The following TCF4 variants were observed in gnomAD, a reference collection of about 807,000 sequenced individuals.
The protein encoded by TCF4 is SL3-3 enhancer factor 2.
In TCF4, 3 loss-of-function variants were observed where a neutral mutation model predicts 82.1. The ratio of observed to expected loss-of-function variants is 0.04; its 90% confidence interval spans 0.02 to 0.09. TCF4 has a LOEUF of 0.09. TCF4 is among the 10% of genes least tolerant of loss of function. The probability of loss-of-function intolerance (pLI) is 1.00; values close to 1 mark genes in which losing one functional copy is unlikely to be tolerated. For synonymous variants in TCF4, 276 were observed against 309.6 expected (o/e 0.89, Z 1.14); for missense variants, 518 against 852.7 (o/e 0.61, Z 4.89).
At chr18:55,585,834 T>C (rs2097638860) in intron 2 of TCF4, 1 of 1,143,422 alleles carries the variant, frequency 8.7e-7, no homozygotes, top group African/African-American at 1.6e-5. Context: ...TCATTTCGTC[T>C]CTAACAGGAG....
At chr18:55,456,646 G>T (rs1317539922) in intron 5 of TCF4, among the ~76,000 whole-genome samples, 1 of 152,114 alleles carries the variant, frequency 6.6e-6, no homozygotes, top group Non-Finnish European at 1.5e-5. Context: ...GTCTACCATT[G>T]TAAAAATATC....
At chr18:55,352,641 A>G (rs1312338175) in intron 6 of TCF4, among the ~76,000 whole-genome samples, 3 of 152,166 alleles carry the variant, frequency 2.0e-5, no homozygotes, top group Admixed American at 6.6e-5. Context: ...ATGCTCAACT[A>G]TTGCCTCTTT....
At chr18:55,296,627 T>C (rs138100565) in intron 8 of TCF4, among the ~76,000 whole-genome samples, 1 of 152,200 alleles carries the variant, frequency 6.6e-6, no homozygotes, top group Admixed American at 6.5e-5. Context: ...AAATGATACG[T>C]TTCTTCTGTT....
intron 8 of TCF4, among the ~76,000 whole-genome samples, chr18:55,326,365 G>A (rs2076548945): frequency 8.7e-6 from 1 of 115,466 alleles, no homozygotes; most frequent in South Asian, 3.0e-4. Flanking sequence ...CTCCTCTGCT[G>A]TTTCCTCTAT....
intron 10 of TCF4, among the ~76,000 whole-genome samples, chr18:55,274,726 ATTGT>A (rs1306982138): frequency 6.6e-6 from 1 of 152,204 alleles, no homozygotes; most frequent in Non-Finnish European, 1.5e-5. Flanking sequence ...AGGTCCACAT[ATTGT>A]TTAAGCTATG....
In TCF4 at chr18:55,273,586, C is replaced by T. The variant is rs142864930; in HGVS notation, c.789+2033G>A. ...ACTAGATATAATAATTCAATAGTTT[C>T]ACTAACAGTGGGAAAATTCATTAGT... On this transcript the variant is annotated intron_variant, in intron 10 of 19. Transcript: ENST00000354452. Among the ~76,000 whole-genome samples, 236 of 152,192 alleles carry T rather than the reference C, an allele frequency of 1.6e-3. 2 individuals carry two copies. Among genetic ancestry groups the T allele is most frequent in the African/African-American group, 4.5e-3 (186 of 41,550 alleles).
At chr18:55,501,319 T>C (rs1025214795) in intron 3 of TCF4, among the ~76,000 whole-genome samples, 1 of 152,096 alleles carries the variant, frequency 6.6e-6, no homozygotes, top group African/African-American at 2.4e-5. Flanking sequence ...TATACTGCAT[T>C]CGGAAGGGAA....
At chr18:55,455,202 A>G (rs1400270876) in intron 5 of TCF4, among the ~76,000 whole-genome samples, 1 of 148,272 alleles carries the variant, frequency 6.7e-6, no homozygotes, top group African/African-American at 2.5e-5. Context: ...AAAAAAAAAA[A>G]AGAAAAGAAA....
chr18:55,478,402 T>A (rs933860499), intron 3 of TCF4, among the ~76,000 whole-genome samples: 1 of 152,118 alleles, frequency 6.6e-6, no homozygotes. Context: ...TAAAACCAAA[T>A]CAAATTCAAA....
At chr18:55,401,348 C>T (rs1486663987) in intron 6 of TCF4, 1 of 1,136,820 alleles carries the variant, frequency 8.8e-7, no homozygotes, top group Middle Eastern at 4.0e-4. Flanking sequence ...ATAGTAGACT[C>T]TTGCAAGACT....
At chr18:55,235,415 T>C (rs914121419) in intron 15 of TCF4, among the ~76,000 whole-genome samples, 1 of 152,162 alleles carries the variant, frequency 6.6e-6, no homozygotes, top group Non-Finnish European at 1.5e-5. Flanking sequence ...AGGAAGGATG[T>C]TTGGACATTT....
chr18:55,468,887 C>T (rs1204894342), intron 3 of TCF4, among the ~76,000 whole-genome samples: 3 of 123,890 alleles, frequency 2.4e-5, no homozygotes, highest in African/African-American at 9.0e-5. Context: ...TCTCGCCCCC[C>T]CCCCCCTTGT....
chr18:55,515,799 C>T (rs2096875720), intron 3 of TCF4, among the ~76,000 whole-genome samples: 1 of 151,776 alleles, frequency 6.6e-6, no homozygotes, highest in Admixed American at 6.6e-5. Flanking sequence ...AAGTTAGTCT[C>T]AAAATTTGGA....
At chr18:55,342,278 A>C (rs2080156488) in intron 8 of TCF4, among the ~76,000 whole-genome samples, 1 of 152,164 alleles carries the variant, frequency 6.6e-6, no homozygotes, top group Admixed American at 6.5e-5. Flanking sequence ...TTAATAATAA[A>C]TATTTTTAAT....
intron 3 of TCF4, among the ~76,000 whole-genome samples, chr18:55,576,572 T>C (rs546371340): frequency 4.4e-4 from 67 of 152,266 alleles, no homozygotes; most frequent in African/African-American, 1.5e-3. Flanking sequence ...CTTTCATCTG[T>C]GCTTGGTTCA....
chr18:55,515,563 T>G (rs1200240812), intron 3 of TCF4, among the ~76,000 whole-genome samples: 1 of 152,016 alleles, frequency 6.6e-6, no homozygotes. Context: ...ATGAGCTGAG[T>G]TTTGAAAGAG....
At chr18:55,583,184 T>C (rs1295443468) in intron 3 of TCF4, among the ~76,000 whole-genome samples, 1 of 152,134 alleles carries the variant, frequency 6.6e-6, no homozygotes, top group Non-Finnish European at 1.5e-5. Flanking sequence ...CCCTTACAAG[T>C]AAACATTTGG....
chr18:55,633,212 G>A lies in TCF4; in HGVS notation c.196-1824C>T, dbSNP rs1192590214. On this transcript the variant is annotated intron_variant, in intron 1 of 20. Coordinates refer to the TCF4 transcript ENST00000398339. This position sits in a 1 kb window ranked among gnomAD's most constrained non-coding sequence, Gnocchi z 4.0. ...TTGAGCCAAGATGTGGACTGGGCCT[G>A]CAAGTCAGCAAGTTCCTCTAAAGGA... Among the ~76,000 whole-genome samples the A allele has an allele frequency of 6.6e-6, 1 of 152,206 alleles. No homozygotes were observed.
intron 6 of TCF4, among the ~76,000 whole-genome samples, chr18:55,396,475 G>C (rs912116853): frequency 3.9e-5 from 6 of 152,162 alleles, no homozygotes; most frequent in Non-Finnish European, 4.4e-5. Context: ...ATTATTAGCT[G>C]ATCCCTGATA....
Sources: gnomAD v4.1 joint callset for allele counts (sites outside exome capture counted in the v4.1 genomes callset) on GRCh38, gnomAD v4.1.1 for gene constraint, Gnocchi (gnomAD v3.1) non-coding constraint, MANE v1.5 for transcripts, NCBI Gene and HGNC (gene_info 2026-07-23, HGNC 2026-07-21) for gene names.